REDIC1: variants seen among roughly 807,000 people sequenced by gnomAD.
The protein encoded by REDIC1 is regulator of DNA class I crossover intermediates 1.
At chr12:39,673,719 A>C in the REDIC1 span, among the ~76,000 whole-genome samples, 1 of 152,194 alleles carries the variant, frequency 6.6e-6, no homozygotes, top group Non-Finnish European at 1.5e-5. Flanking sequence ...TTTCCTGACC[A>C]AACTATCTGA....
the REDIC1 span, among the ~76,000 whole-genome samples, chr12:39,717,134 C>CATATATAACATAT: frequency 7.0e-6 from 1 of 143,484 alleles, no homozygotes; most frequent in Non-Finnish European, 1.6e-5. Context: ...CATATATATA[C>CATATATAACATAT]ATATATATGT....
the REDIC1 span, among the ~76,000 whole-genome samples, chr12:39,713,836 C>T: frequency 1.4e-5 from 2 of 144,752 alleles, no homozygotes; most frequent in Admixed American, 6.9e-5. Context: ...CATGTATATA[C>T]ACGTATATAT....
the REDIC1 span, among the ~76,000 whole-genome samples, chr12:39,672,896 T>C: frequency 6.6e-6 from 1 of 151,992 alleles, no homozygotes; most frequent in African/African-American, 2.4e-5. Flanking sequence ...CTGCTTCAGA[T>C]TTGGGGTTTG....
chr12:39,784,501 C>T, the REDIC1 span, among the ~76,000 whole-genome samples: 2 of 152,192 alleles, frequency 1.3e-5, no homozygotes, highest in Non-Finnish European at 1.5e-5. Flanking sequence ...ACAAATGGTG[C>T]TGGGAAAACT....
the REDIC1 span, among the ~76,000 whole-genome samples, chr12:39,718,724 G>T: frequency 6.6e-6 from 1 of 152,010 alleles, no homozygotes; most frequent in Non-Finnish European, 1.5e-5. Context: ...TGTTTAGGCA[G>T]ATATCCTTTT....
At chr12:39,888,674 T>C in the REDIC1 span, among the ~76,000 whole-genome samples, 1 of 152,226 alleles carries the variant, frequency 6.6e-6, no homozygotes, top group African/African-American at 2.4e-5. Flanking sequence ...TTTGTGAACA[T>C]TGTTTGCTAA....
At chr12:39,868,222 A>T in the REDIC1 span, among the ~76,000 whole-genome samples, 35 of 152,324 alleles carry the variant, frequency 2.3e-4, no homozygotes, top group African/African-American at 8.4e-4. Context: ...TTATGTTTCA[A>T]GAGAAGAGTC....
the REDIC1 span, among the ~76,000 whole-genome samples, chr12:39,851,412 T>C: frequency 1.3e-5 from 2 of 152,204 alleles, no homozygotes; most frequent in African/African-American, 4.8e-5. Context: ...ATTCTGACTC[T>C]TAACTGACAA....
chr12:39,889,973 T>G, the REDIC1 span, among the ~76,000 whole-genome samples: 1 of 152,200 alleles, frequency 6.6e-6, no homozygotes, highest in Non-Finnish European at 1.5e-5. Context: ...CTCTGGCCAA[T>G]AATATTTTAC....
the REDIC1 span, among the ~76,000 whole-genome samples, chr12:39,826,637 C>A: frequency 6.6e-6 from 1 of 150,892 alleles, no homozygotes; most frequent in Non-Finnish European, 1.5e-5. Context: ...TTTAAAAACT[C>A]ATTAGAAGGC....
the REDIC1 span, among the ~76,000 whole-genome samples, chr12:39,892,328 T>TTG: frequency 7.9e-5 from 12 of 151,928 alleles, no homozygotes; most frequent in Non-Finnish European, 1.3e-4. Context: ...CTGAGCTGAC[T>TTG]TGTGTGTGTG....
chr12:39,731,573 T>C, the REDIC1 span, among the ~76,000 whole-genome samples: 1 of 152,282 alleles, frequency 6.6e-6, no homozygotes, highest in South Asian at 2.1e-4. Context: ...CTCTCCTGTA[T>C]GTGGTGTCTG....
chr12:39,683,485 G>A, the REDIC1 span: 18 of 1,583,822 alleles, frequency 1.1e-5, no homozygotes, highest in East Asian at 4.0e-4. Flanking sequence ...CAAACTCTAT[G>A]TAAGTTTTTA....
chr12:39,907,795 T>G, the REDIC1 span: 1 of 152,172 alleles, frequency 6.6e-6, no homozygotes, highest in Non-Finnish European at 1.5e-5. Context: ...TACACGCCAC[T>G]GGAATGAACC....
chr12:39,660,130 G>A, the REDIC1 span, among the ~76,000 whole-genome samples: 2 of 152,098 alleles, frequency 1.3e-5, no homozygotes, highest in Admixed American at 1.3e-4. Flanking sequence ...TTCTTACCTT[G>A]GGTGGTTCTT....
chr12:39,808,856 T>C, the REDIC1 span, among the ~76,000 whole-genome samples: 1 of 152,192 alleles, frequency 6.6e-6, no homozygotes, highest in East Asian at 1.9e-4. Flanking sequence ...ACTTCCGGTC[T>C]GTGGCTTGGG....
chr12:39,830,249 C>T, the REDIC1 span: 1 of 1,608,108 alleles, frequency 6.2e-7, no homozygotes. Context: ...AAAAGAGTTA[C>T]CGTCATGTTG....
chr12:39,693,736 A>G, the REDIC1 span, among the ~76,000 whole-genome samples: 1 of 152,088 alleles, frequency 6.6e-6, no homozygotes, highest in Non-Finnish European at 1.5e-5. Context: ...TATTTTTCTT[A>G]CAAATACTGT....
chr12:39,829,836 A>T, the REDIC1 span: 1 of 409,782 alleles, frequency 2.4e-6, no homozygotes. Flanking sequence ...ATTTGTGAAT[A>T]GCTGCCTAAA....
Sources: allele counts gnomAD v4.1 joint callset (sites outside exome capture counted in the v4.1 genomes callset), GRCh38; gene constraint gnomAD v4.1.1; transcripts MANE v1.5; gene names NCBI Gene and HGNC (gene_info 2026-07-23, HGNC 2026-07-21).